SH3GL2: variants seen among roughly 807,000 people sequenced by gnomAD.
SH3GL2 encodes the protein SH3 domain containing GRB2 like 2, endophilin A1, also known as endophilin-A1.
SH3GL2 carries 24 observed loss-of-function variants against 46.0 expected under a neutral mutation model. The ratio of observed to expected loss-of-function variants is 0.52; its 90% confidence interval spans 0.38 to 0.73. SH3GL2 has a LOEUF of 0.73. SH3GL2 is among the 30% of genes least tolerant of loss of function. The pLI is 0.00. For missense variants in SH3GL2, 413 were observed against 424.2 expected (o/e 0.97, Z 0.23); for synonymous variants, 196 against 147.1 (o/e 1.33, Z -2.40).
Position 17,682,633 on chromosome 9 carries a change from G to A in SH3GL2, c.46-64433G>A, listed in dbSNP as rs1312525655. 8.6e-5 allele frequency among the ~76,000 whole-genome samples: 13 copies of A among 150,468 alleles called. No homozygotes were observed. The Admixed American group carries it at 8.7e-4, about 10-fold the overall frequency. ...ACCACCATGGTACACATATACCTATGTAACAAACCTGCATATTCTGCGTAT... is the reference window on the plus strand; with the variant it reads ...ACCACCATGGTACACATATACCTATATAACAAACCTGCATATTCTGCGTAT... On this transcript the variant is annotated intron_variant, in intron 1 of 8. Coordinates refer to ENST00000380607, the MANE Select transcript of SH3GL2 (RefSeq NM_003026.5).
At chr9:17,744,806 T>C (rs1822632686) in intron 1 of SH3GL2, among the ~76,000 whole-genome samples, 1 of 152,188 alleles carries the variant, frequency 6.6e-6, no homozygotes, top group Non-Finnish European at 1.5e-5. Context: ...TTAGGTGGTA[T>C]TGATGTCAGA....
intron 1 of SH3GL2, among the ~76,000 whole-genome samples, chr9:17,727,266 T>C (rs190339667): frequency 1.3e-5 from 2 of 152,280 alleles, no homozygotes; most frequent in African/African-American, 4.8e-5. Flanking sequence ...CAAATAAGTT[T>C]TTGTTGTTTA....
At chr9:17,702,416 C>A (rs577564159) in intron 1 of SH3GL2, among the ~76,000 whole-genome samples, 1 of 151,258 alleles carries the variant, frequency 6.6e-6, no homozygotes, top group Admixed American at 6.6e-5. Context: ...ATATATGTAC[C>A]GATATAAAGA....
chr9:17,758,768 C>T (rs1823082416), intron 2 of SH3GL2, among the ~76,000 whole-genome samples: 1 of 113,936 alleles, frequency 8.8e-6, no homozygotes, highest in Non-Finnish European at 1.9e-5. Flanking sequence ...TTAGGTAGAA[C>T]TTGCTCTGTA....
At chr9:17,760,017 A>G (rs1476203584) in intron 2 of SH3GL2, among the ~76,000 whole-genome samples, 1 of 152,108 alleles carries the variant, frequency 6.6e-6, no homozygotes, top group African/African-American at 2.4e-5. Context: ...GTTGTTTGGA[A>G]TTTTGCTAAT....
At chr9:17,657,604 TG>T (rs1395841164) in intron 1 of SH3GL2, among the ~76,000 whole-genome samples, 1 of 152,210 alleles carries the variant, frequency 6.6e-6, no homozygotes, top group Non-Finnish European at 1.5e-5. Context: ...GAGGACTAGC[TG>T]GGGTAATGTG....
chr9:17,709,912 A>G (rs187674824), intron 1 of SH3GL2, among the ~76,000 whole-genome samples: 222 of 152,044 alleles, frequency 1.5e-3, no homozygotes, highest in African/African-American at 5.1e-3. Context: ...AAGCCTAGTG[A>G]GGGAGATAGA....
chr9:17,745,678 C>T (rs1822662360), intron 1 of SH3GL2, among the ~76,000 whole-genome samples: 1 of 152,006 alleles, frequency 6.6e-6, no homozygotes, highest in South Asian at 2.1e-4. Context: ...GGGTAAGCAA[C>T]ACAGCTCAGG....
rs752812516 is a variant in SH3GL2 at position 17,795,574 on chromosome 9, C to G, written c.890C>G (p.Ala297Gly). 6.2e-7 allele frequency: 1 copy of G among 1,614,008 alleles called. No homozygotes were observed. The highest frequency in any genetic ancestry group is 1.1e-5 in the South Asian group (1 of 91,074). The change falls in exon 9 of 9, where the codon GCT becomes GGT. Residue 297 changes from alanine (A) to glycine (G), a missense_variant. By Grantham distance (60) the Ala-to-Gly change is moderately conservative. Around this residue, in one of 3 missense-constraint regions of SH3GL2, gnomAD observed 248 missense variants for 215.0 expected, o/e 1.15. Transcript: ENST00000380607. ...CAAATGGATCAGCCCTGCTGCCGAG[C>G]TCTGTACGACTTTGAACCTGAAAAT... ...GVQMDQPCCRALYDFEPENEG... is the reference protein window; with the variant it reads ...GVQMDQPCCRGLYDFEPENEG...
intron 3 of SH3GL2, among the ~76,000 whole-genome samples, chr9:17,762,375 A>G (rs1284069818): frequency 6.7e-6 from 1 of 148,420 alleles, no homozygotes; most frequent in Non-Finnish European, 1.5e-5. Flanking sequence ...GAGTTTGGAT[A>G]CTGAGCAATA....
intron 1 of SH3GL2, among the ~76,000 whole-genome samples, chr9:17,697,512 G>A (rs187276685): frequency 5.4e-4 from 82 of 152,198 alleles, no homozygotes; most frequent in African/African-American, 1.7e-3. Context: ...GTGAGCCACC[G>A]TGCCTGGCCT....
chr9:17,615,573 T>A (rs1818971983), intron 1 of SH3GL2, among the ~76,000 whole-genome samples: 1 of 148,410 alleles, frequency 6.7e-6, no homozygotes, highest in Non-Finnish European at 1.5e-5. Flanking sequence ...GAGAAGTTCT[T>A]GAACCCAGGA....
chr9:17,655,853 G>A (rs1350071310), intron 1 of SH3GL2, among the ~76,000 whole-genome samples: 2 of 152,194 alleles, frequency 1.3e-5, no homozygotes, highest in Non-Finnish European at 2.9e-5. Flanking sequence ...GAACCAGCCT[G>A]ATGCATTCCA....
At chr9:17,759,204 C>T (rs1395488198) in intron 2 of SH3GL2, among the ~76,000 whole-genome samples, 3 of 152,122 alleles carry the variant, frequency 2.0e-5, no homozygotes, top group Non-Finnish European at 4.4e-5. Context: ...AAACTGAGGG[C>T]CTGTGGTTCA....
At chr9:17,744,947 A>G (rs952191592) in intron 1 of SH3GL2, among the ~76,000 whole-genome samples, 13 of 152,168 alleles carry the variant, frequency 8.5e-5, no homozygotes, top group Admixed American at 4.6e-4. Context: ...TAGCCTTGTG[A>G]GTCTAATGGA....
chr9:17,737,770 T>A (rs756759574), intron 1 of SH3GL2, among the ~76,000 whole-genome samples: 4 of 152,168 alleles, frequency 2.6e-5, no homozygotes, highest in South Asian at 2.1e-4. Flanking sequence ...GACTCAGCTG[T>A]ACTCTGGAGA....
At chr9:17,731,408 G>A (rs1012868702) in intron 1 of SH3GL2, among the ~76,000 whole-genome samples, 1 of 151,454 alleles carries the variant, frequency 6.6e-6, no homozygotes, top group Non-Finnish European at 1.5e-5. Context: ...GAGGGAGGTG[G>A]GGGGAGGTAG....
At chr9:17,615,001 C>A (rs915189151) in intron 1 of SH3GL2, among the ~76,000 whole-genome samples, 4 of 152,196 alleles carry the variant, frequency 2.6e-5, no homozygotes, top group African/African-American at 9.7e-5. Flanking sequence ...ATGCCAATGA[C>A]ACCCTGACTA....
intron 1 of SH3GL2, among the ~76,000 whole-genome samples, chr9:17,610,153 T>G (rs766317326): frequency 6.6e-6 from 1 of 152,210 alleles, no homozygotes; most frequent in Non-Finnish European, 1.5e-5. Context: ...TTCCATCTTC[T>G]CCAAAGTTAG....
Sources: gnomAD v4.1 joint callset for allele counts (sites outside exome capture counted in the v4.1 genomes callset) on GRCh38, gnomAD v4.1.1 for gene constraint, gnomAD v4.1.1 regional missense constraint, MANE v1.5 for transcripts, NCBI Gene and HGNC (gene_info 2026-07-23, HGNC 2026-07-21) for gene names.